The following HIPK1 variants were observed in gnomAD, a reference collection of about 807,000 sequenced individuals.
HIPK1 encodes homeodomain-interacting protein kinase 1.
HIPK1 carries 28 observed loss-of-function variants against 117.1 expected under a neutral mutation model. That is an observed-to-expected ratio of 0.24 (90% confidence interval 0.18 to 0.33). The LOEUF (loss-of-function observed/expected upper bound fraction) is 0.33, where lower values mean the gene tolerates loss of function less well. Ranked by LOEUF, HIPK1 falls within the 10% of genes least tolerant of loss-of-function variation. The probability of loss-of-function intolerance (pLI) is 1.00; values close to 1 mark genes in which losing one functional copy is unlikely to be tolerated. For synonymous variants in HIPK1, 605 were observed against 562.5 expected (o/e 1.08, Z -1.07); for missense variants, 1,122 against 1,475.1 (o/e 0.76, Z 3.92).
chr1:113,957,379 T>A, intron 7 of HIPK1, 93 bp downstream of exon 7: 1 of 954,464 alleles, frequency 1.0e-6, no homozygotes, highest in Non-Finnish European at 1.6e-6. Flanking sequence ...TTTGTTTTGG[T>A]GGTCTTGTTG....
chr1:113,948,380 T>C (rs973628617), intron 2 of HIPK1, among the ~76,000 whole-genome samples: 1 of 152,012 alleles, frequency 6.6e-6, no homozygotes, highest in Admixed American at 6.6e-5. Context: ...GCTTCCTGAG[T>C]AGCTAGAACT....
At chr1:113,944,159 GTTTTTTT>G (rs140161727) in intron 2 of HIPK1, among the ~76,000 whole-genome samples, 9 of 55,234 alleles carry the variant, frequency 1.6e-4, no homozygotes, top group African/African-American at 7.8e-4. Context: ...ATAGCCATGG[GTTTTTTT>G]TTTTTTTTTT....
intron 15 of HIPK1, chr1:113,972,205 G>A (rs61819188): frequency 4.7e-5 from 50 of 1,055,660 alleles, no homozygotes; most frequent in Admixed American, 1.3e-4. Flanking sequence ...TTAGAGAAAC[G>A]TCTGGGATTT....
rs993824468 is a variant in HIPK1 at position 113,976,959 on chromosome 1, A to G, written c.*3447A>G. 8 of 152,774 alleles carry G rather than the reference A, an allele frequency of 5.2e-5. No individual in the cohort carries two copies. The highest frequency in any genetic ancestry group is 1.7e-4 in the African/African-American group (7 of 41,444). 9.5% of individuals were successfully genotyped at this position (152,774 alleles called of 1,614,324 possible). The stretch of plus-strand genomic sequence containing the variant: ...AGTTTTTAATAGCTCCCAGGAGGTG[A>G]TATTATTTTCAGTGCTCAGCTGAAA... On this transcript the variant is annotated 3_prime_UTR_variant, in exon 16 of 16. Transcript: ENST00000426820.
Position 113,973,013 on chromosome 1 carries a change from C to G in HIPK1, c.3145-11C>G. 1.3e-6 allele frequency: 2 copies of G among 1,512,846 alleles called. No individual in the cohort carries two copies. The highest frequency in any genetic ancestry group is 1.8e-6 in the Non-Finnish European group (2 of 1,130,714). The allele number at this position is 1,512,846 out of a possible 1,614,324, so 93.7% of individuals were successfully genotyped here. On this transcript the variant is annotated splice_polypyrimidine_tract_variant and intron_variant, in intron 15 of 15. Transcript: ENST00000426820. ...CCTCAGGATTCCTCACTTCTTCCTTCTTTCTTCCAGAACCAGCAGTCATCG... is the reference window on the plus strand; with the variant it reads ...CCTCAGGATTCCTCACTTCTTCCTTGTTTCTTCCAGAACCAGCAGTCATCG...
At chr1:113,961,581 A>T (rs2101403844) in intron 8 of HIPK1, among the ~76,000 whole-genome samples, 1 of 152,344 alleles carries the variant, frequency 6.6e-6, no homozygotes, top group Non-Finnish European at 1.5e-5. Flanking sequence ...ATTCACTAAA[A>T]GTTATACTTA....
At chr1:113,951,643 T>TA (rs1671367408) in intron 2 of HIPK1, among the ~76,000 whole-genome samples, 1 of 152,232 alleles carries the variant, frequency 6.6e-6, no homozygotes, top group Non-Finnish European at 1.5e-5. Context: ...ATCTAACACC[T>TA]ACTAGTATTT....
At chr1:113,972,952 T>C in intron 15 of HIPK1, 72 bp from the exon 16 acceptor site, 1 of 1,477,704 alleles carries the variant, frequency 6.8e-7, no homozygotes, top group Non-Finnish European at 9.1e-7. Flanking sequence ...GAACCTGAGC[T>C]CTTAACTTGG....
intron 5 of HIPK1, 23 bp from the exon 6 acceptor site, chr1:113,956,604 T>C: frequency 3.8e-6 from 6 of 1,592,676 alleles, no homozygotes; most frequent in Non-Finnish European, 5.2e-6. Flanking sequence ...TGAAGAAGTA[T>C]AATTCTGAAT....
At chr1:113,957,096 T>A in intron 6 of HIPK1, 28 bp from the exon 7 acceptor site, 2 of 1,580,968 alleles carry the variant, frequency 1.3e-6, no homozygotes, top group Non-Finnish European at 1.7e-6. Flanking sequence ...TCAGCATTCA[T>A]TTAATGAATC....
rs1333652557 is a variant in HIPK1 at position 113,973,081 on chromosome 1, C to A, written c.3202C>A (p.Arg1068Ser). 4 of 1,535,428 alleles carry A rather than the reference C, an allele frequency of 2.6e-6. No individual in the cohort carries two copies. The highest frequency in any genetic ancestry group is 2.3e-5 in the East Asian group (1 of 44,150). The part of the protein sequence containing the change: ...SQERSSNPAP[R>S]RQQAFVAPLS... ...GGAGAGAAGCAGCAACCCAGCCCCC[C>A]GCAGGCAGCAGGCGTTTGTGGCCCC... Residue 1068 changes from arginine (R) to serine (S), a missense_variant, in exon 16 of 16, where the codon CGC (arginine) becomes AGC (serine). By Grantham distance (110) the Arg-to-Ser change is moderately radical (BLOSUM62 -1). Around this residue, in one of 6 missense-constraint regions of HIPK1, gnomAD observed 731 missense variants for 860.4 expected, o/e 0.85. Coordinates refer to ENST00000426820, the MANE Select transcript of HIPK1 (RefSeq NM_198268.3).
chr1:113,961,227 T>A (rs1672081869), intron 8 of HIPK1, among the ~76,000 whole-genome samples: 1 of 152,150 alleles, frequency 6.6e-6, no homozygotes, highest in Non-Finnish European at 1.5e-5. Context: ...GCATAATGAA[T>A]AAAAAGATAA....
intron 11 of HIPK1, among the ~76,000 whole-genome samples, chr1:113,966,569 C>T (rs1672461796): frequency 6.6e-6 from 1 of 152,058 alleles, no homozygotes; most frequent in South Asian, 2.1e-4. Flanking sequence ...CCAACTTTAT[C>T]TTTTATAATG....
At position 113,940,307 on chromosome 1, in the gene HIPK1, T is replaced by G. The variant is rs1670564039; in HGVS notation, c.-2-75T>G. 14 of 1,221,942 alleles carry G rather than the reference T, an allele frequency of 1.1e-5. No individual in the cohort carries two copies. In the South Asian group the frequency reaches 2.1e-4, roughly 18 times the overall value. The allele number at this position is 1,221,942 out of a possible 1,614,324, so 75.7% of individuals were successfully genotyped here. A position where few individuals can be genotyped will look rare whatever the true frequency, so the allele number is the denominator to read the frequency against. ...CTTTTATCAAGTAAAAGTGTGTGTG[T>G]GTGTTTGTGTGTTTTAAATCTAAGC... On this transcript the variant is annotated intron_variant, in intron 1 of 15. Transcript: ENST00000426820.
chr1:113,952,240 A>G (rs950255737), intron 2 of HIPK1, among the ~76,000 whole-genome samples: 7 of 147,178 alleles, frequency 4.8e-5, no homozygotes, highest in Non-Finnish European at 7.5e-5. Flanking sequence ...TGCCCAGTTG[A>G]CCAGGCCTTT....
At chr1:113,929,949 G>C (rs1669735777) in intron 1 of HIPK1, 3 of 985,322 alleles carry the variant, frequency 3.0e-6, no homozygotes, top group African/African-American at 1.7e-5. Context: ...GGTGAGTGGG[G>C]ACGGGCAGGA....
chr1:113,932,408 C>T (rs936540486), intron 1 of HIPK1, among the ~76,000 whole-genome samples: 3 of 145,766 alleles, frequency 2.1e-5, no homozygotes, highest in Non-Finnish European at 4.5e-5. Flanking sequence ...GACAAGATCT[C>T]GCCCTGTCGC....
rs1301679078 is a variant in HIPK1, at chr1:113,938,929, T to TATACACACAC, written c.-2-1452_-2-1451insTACACACACA. Among the ~76,000 whole-genome samples the TATACACACAC allele has an allele frequency of 1.2e-3, 134 of 115,484 alleles. 1 individual carries two copies. Among genetic ancestry groups the TATACACACAC allele is most frequent in the African/African-American group, 3.1e-3 (90 of 29,108 alleles). The allele number at this position is 115,484 out of a possible 152,430, so 75.8% of individuals were successfully genotyped here. A position where few individuals can be genotyped will look rare whatever the true frequency, so the allele number is the denominator to read the frequency against. On this transcript the variant is annotated intron_variant, in intron 1 of 15. Transcript: ENST00000426820. ...TGTCTCAAAAAAAAAAAAAAAAAAATACACACACACACACACACACACACA... is the reference window on the plus strand; with the variant it reads ...TGTCTCAAAAAAAAAAAAAAAAAAATATACACACACACACACACACACACACACACACACA...
chr1:113,929,673 A>C, intron 1 of HIPK1, 141 bp downstream of exon 1: 1 of 891,436 alleles, frequency 1.1e-6, no homozygotes, highest in South Asian at 1.8e-5. Flanking sequence ...GTAGCCCCGG[A>C]CGGCAGCAGG....
Sources: allele counts gnomAD v4.1 joint callset (sites outside exome capture counted in the v4.1 genomes callset), GRCh38; gene constraint gnomAD v4.1.1; regional missense constraint gnomAD v4.1.1; transcripts MANE v1.5; gene names NCBI Gene and HGNC (gene_info 2026-07-23, HGNC 2026-07-21).